CD163L1: variants seen among roughly 807,000 people sequenced by gnomAD.
CD163L1 encodes scavenger receptor cysteine-rich type 1 protein M160.
CD163L1 carries 124 observed loss-of-function variants against 165.4 expected under a neutral mutation model. That is an observed-to-expected ratio of 0.75 (90% confidence interval 0.65 to 0.87). The LOEUF is 0.87. Ranked by LOEUF, CD163L1 falls within the 40% of genes least tolerant of loss-of-function variation. The pLI is 0.00. For missense variants in CD163L1, 1,525 were observed against 1,799.9 expected, an observed-to-expected ratio of 0.85 and a Z score of 2.76; for synonymous variants, 585 against 662.2, an observed-to-expected ratio of 0.88 and a Z score of 1.79.
At chr12:7,319,976 T>C in the CD163L1 span, among the ~76,000 whole-genome samples, 1 of 152,246 alleles carries the variant, frequency 6.6e-6, no homozygotes, top group East Asian at 1.9e-4. Flanking sequence ...GCGGAGCAGA[T>C]ACACATGGTA....
In CD163L1 at chr12:7,375,220, ACTCC is replaced by A. The variant is rs1832525175; in HGVS notation, c.3001+57_3001+60del. ...CTTACTCATCTTTCCTTTAATCCCA[ACTCC>A]CTCTACCATGTCTGGGCTATATTGA... On this transcript the variant is annotated intron_variant, in intron 11 of 19. Transcript: ENST00000313599. 7.1e-6 allele frequency: 11 copies of A among 1,539,832 alleles called. No homozygotes were observed. In the Admixed American group the frequency reaches 1.9e-4, roughly 27 times the overall value.
chr12:7,442,197 A>G (rs1211392142), intron 1 of CD163L1, among the ~76,000 whole-genome samples: 1 of 152,226 alleles, frequency 6.6e-6, no homozygotes. Context: ...TGTAACTGTT[A>G]GAGAACTATC....
At position 7,375,895 on chromosome 12, in the gene CD163L1, C is replaced by T. The variant is rs781383407; in HGVS notation, c.2491G>A (p.Val831Met). 3 of 1,614,106 alleles carry T rather than the reference C, an allele frequency of 1.9e-6. No individual in the cohort carries two copies. The highest frequency in any genetic ancestry group is 3.3e-4 in the Middle Eastern group (2 of 6,084). The change falls in exon 10 of 20, where the codon GTG (valine) becomes ATG (methionine). Residue 831 changes from valine (V) to methionine (M), a missense_variant. Coordinates refer to ENST00000313599, the MANE Select transcript of CD163L1 (RefSeq NM_174941.6). ...CCACAGTTTAATTCTCTGCACAGCA[C>T]ATTGGCAGCATGAAGAGAGAAATCA... ...DSDFSLHAAN[V>M]LCRELNCGDA...
At chr12:7,342,597 C>T (rs772786346), downstream of CD163L1, among the ~76,000 whole-genome samples, 17 of 152,244 alleles carry the variant, frequency 1.1e-4, no homozygotes, top group South Asian at 1.7e-3. Context: ...TCTCCCCAAC[C>T]GAGCTGGTCT....
intron 4 of CD163L1, among the ~76,000 whole-genome samples, chr12:7,430,839 T>C (rs939451281): frequency 6.6e-6 from 1 of 151,718 alleles, no homozygotes; most frequent in African/African-American, 2.4e-5. Context: ...CTGAGGTGGG[T>C]TGGAAAATAT....
At chr12:7,380,274 GGTGTGTGT>G (rs56789470) in intron 8 of CD163L1, among the ~76,000 whole-genome samples, 53,805 of 145,260 alleles carry the variant, frequency 0.37, 11,488 homozygotes, top group African/African-American at 0.53. Flanking sequence ...AAGAAACTGT[GGTGTGTGT>G]GTGTGTGTGT....
chr12:7,340,218 G>A, the CD163L1 span, among the ~76,000 whole-genome samples: 1 of 152,128 alleles, frequency 6.6e-6, no homozygotes, highest in South Asian at 2.1e-4. Flanking sequence ...TGCCTAGTCT[G>A]TAAAAGGTTC....
Position 7,367,305 on chromosome 12 carries a change from C to T in CD163L1, c.4210G>A (p.Glu1404Lys), listed in dbSNP as rs758215115. 1.1e-5 allele frequency: 18 copies of T among 1,612,980 alleles called. No individual in the cohort carries two copies. Among genetic ancestry groups the T allele is most frequent in the Middle Eastern group, 1.6e-4 (1 of 6,062 alleles). ...TCCATCTCATGGAATAAATTCTCCTCGAGAGAACCCCTCCTTCTGGTTGAA... is the reference window on the plus strand; with the variant it reads ...TCCATCTCATGGAATAAATTCTCCTTGAGAGAACCCCTCCTTCTGGTTGAA... ...RVSTRRRGSL[E>K]ENLFHEMETC... Residue 1404 changes from glutamate (E) to lysine (K), a missense_variant, in exon 18 of 20, where the codon GAG (glutamate) becomes AAG (lysine). Transcript: ENST00000313599.
intron 18 of CD163L1, 36 bp downstream of exon 18, chr12:7,367,200 C>T (rs776663429): frequency 1.5e-6 from 2 of 1,298,846 alleles, no homozygotes; most frequent in African/African-American, 1.4e-5. Flanking sequence ...TATTCCCACC[C>T]TCTCCATGGA....
rs143099652 is a variant in CD163L1, at chr12:7,397,925, G to C, written c.1729+339C>G. On this transcript the variant is annotated intron_variant, in intron 7 of 19. Coordinates refer to ENST00000313599, the MANE Select transcript of CD163L1 (RefSeq NM_174941.6). ...CAGAGATTCTAGATTTAATGATGCA[G>C]CTAAGGGTTAGAAAGGCTCTAATAG... Among the ~76,000 whole-genome samples the C allele has an allele frequency of 3.4e-3, 519 of 152,316 alleles. 3 individuals carry two copies. The highest frequency in any genetic ancestry group is 0.012 in the African/African-American group (491 of 41,576).
At chr12:7,440,351 C>G (rs959299347) in intron 2 of CD163L1, among the ~76,000 whole-genome samples, 4 of 151,402 alleles carry the variant, frequency 2.6e-5, no homozygotes, top group Admixed American at 2.0e-4. Context: ...GGCCCTGCCG[C>G]CATCCCCCCA....
At chr12:7,339,558 A>G in the CD163L1 span, among the ~76,000 whole-genome samples, 1 of 152,114 alleles carries the variant, frequency 6.6e-6, no homozygotes, top group Non-Finnish European at 1.5e-5. Context: ...TCCACAGTCT[A>G]TGTGCCAGAT....
chr12:7,367,706 T>G (rs1947052837), intron 17 of CD163L1, among the ~76,000 whole-genome samples: 1 of 152,196 alleles, frequency 6.6e-6, no homozygotes, highest in Admixed American at 6.5e-5. Context: ...TAGTAAGTTA[T>G]ATAAGTGGTG....
chr12:7,340,017 A>G, the CD163L1 span, among the ~76,000 whole-genome samples: 8 of 152,078 alleles, frequency 5.3e-5, no homozygotes, highest in Non-Finnish European at 8.8e-5. Context: ...CAGGTTGTGT[A>G]TATTATGGAA....
At chr12:7,370,440 C>G (rs1340058208) in intron 14 of CD163L1, among the ~76,000 whole-genome samples, 1 of 152,060 alleles carries the variant, frequency 6.6e-6, no homozygotes, top group Non-Finnish European at 1.5e-5. Context: ...TTACCTCTGC[C>G]CACCAACCAC....
chr12:7,355,959 C>A (rs1316834902), intron 19 of CD163L1, among the ~76,000 whole-genome samples: 1 of 152,100 alleles, frequency 6.6e-6, no homozygotes, highest in East Asian at 1.9e-4. Context: ...TTTCTTTTGG[C>A]AGCCCTAGAA....
chr12:7,319,921 A>G, the CD163L1 span, among the ~76,000 whole-genome samples: 4 of 152,226 alleles, frequency 2.6e-5, no homozygotes, highest in Admixed American at 2.6e-4. Flanking sequence ...GATTTATGCT[A>G]TTTTTAGGTG....
chr12:7,337,624 C>T, the CD163L1 span, among the ~76,000 whole-genome samples: 1 of 152,188 alleles, frequency 6.6e-6, no homozygotes, highest in Non-Finnish European at 1.5e-5. Flanking sequence ...GAGATACCAT[C>T]CCACGCCAGT....
At chr12:7,373,822 A>G (rs996478142) in intron 13 of CD163L1, among the ~76,000 whole-genome samples, 182 bp from the exon 14 acceptor site, 3 of 152,226 alleles carry the variant, frequency 2.0e-5, no homozygotes, top group African/African-American at 7.2e-5. Context: ...AGATTTCAGG[A>G]TGAGTGTGGG....
Sources: gnomAD v4.1 joint callset for allele counts (sites outside exome capture counted in the v4.1 genomes callset) on GRCh38, gnomAD v4.1.1 for gene constraint, MANE v1.5 for transcripts, NCBI Gene and HGNC (gene_info 2026-07-23, HGNC 2026-07-21) for gene names.